Variants in CTR9 observed in about 807,000 individuals in gnomAD.
CTR9 encodes CTR9 component of Paf1/RNA polymerase II complex.
In CTR9, 41 loss-of-function variants were observed where a neutral mutation model predicts 152.1. The ratio of observed to expected loss-of-function variants is 0.27; its 90% CI spans 0.21 to 0.35. The LOEUF is 0.35. CTR9 is among the 10% of genes least tolerant of loss of function. The pLI is 1.00. For missense variants in CTR9, 917 were observed against 1,424.4 expected (o/e 0.64, Z 5.73); for synonymous variants, 476 against 496.2 (o/e 0.96, Z 0.54).
Position 10,772,593 on chromosome 11 carries a change from G to A in CTR9, c.2518G>A (p.Glu840Lys). The change falls in exon 20 of 25, where the codon GAG becomes AAG. Residue 840 changes from glutamate to lysine, a missense_variant. This residue lies in a region of CTR9 where 106 missense variants were observed against 157.8 expected (regional missense o/e 0.67). Coordinates refer to ENST00000361367, the MANE Select transcript of CTR9 (RefSeq NM_014633.5). ...RARKQDEEER[E>K]LRAKQEQEKE... is the part of the protein sequence containing the mutation. ...ACGCAAACAAGATGAAGAAGAGCGG[G>A]AGCTGCGGGCCAAGCAAGAGCAAGA... 2 of 1,612,210 alleles carry A rather than the reference G, an allele frequency of 1.2e-6. No homozygotes were observed. The highest frequency in any genetic ancestry group is 1.7e-6 in the Non-Finnish European group (2 of 1,179,060).
intron 12 of CTR9, among the ~76,000 whole-genome samples, chr11:10,765,736 A>G (rs1430097449): frequency 6.6e-6 from 1 of 152,350 alleles, no homozygotes; most frequent in African/African-American, 2.4e-5. Context: ...TGCTGGGATT[A>G]TAGGCGTGAG....
At chr11:10,761,671 G>C (rs1372240635) in intron 6 of CTR9, among the ~76,000 whole-genome samples, 1 of 151,896 alleles carries the variant, frequency 6.6e-6, no homozygotes, top group Non-Finnish European at 1.5e-5. Flanking sequence ...GGAGAAGTAG[G>C]GGCAGGGACT....
At chr11:10,757,490 A>G (rs1402529132) in intron 5 of CTR9, among the ~76,000 whole-genome samples, 1 of 151,592 alleles carries the variant, frequency 6.6e-6, no homozygotes, top group Non-Finnish European at 1.5e-5. Context: ...AGGCAGGAAG[A>G]TCACTTGAGC....
intron 4 of CTR9, among the ~76,000 whole-genome samples, chr11:10,756,369 CCT>C (rs1862884131): frequency 1.3e-5 from 2 of 152,140 alleles, no homozygotes; most frequent in African/African-American, 4.8e-5. Context: ...AAGCCTAGTA[CCT>C]ATTAGTTATT....
rs987198995 is a variant in CTR9 at position 10,751,517 on chromosome 11, C to T, written c.45+60C>T. The T allele has an allele frequency of 3.3e-6, 5 of 1,507,322 alleles. No individual in the cohort carries two copies. In the African/African-American group the frequency reaches 5.5e-5, roughly 17 times the overall value. 93.4% of individuals were successfully genotyped at this position (1,507,322 alleles called of 1,614,324 possible). On this transcript the variant is annotated intron_variant, in intron 1 of 24. Transcript: ENST00000361367. ...GAACTTGTACGATCGCCCCCACCGA[C>T]TTCGCTCGACTTCGTTTCTGAAGCG...
intron 19 of CTR9, among the ~76,000 whole-genome samples, chr11:10,771,895 T>A (rs1054075433): frequency 1.3e-5 from 2 of 152,134 alleles, no homozygotes; most frequent in African/African-American, 4.8e-5. Flanking sequence ...TGACTCTGAG[T>A]TATATGTAAA....
At position 10,751,465 on chromosome 11, in the gene CTR9, T is replaced by C. The variant is rs1862799903; in HGVS notation, c.45+8T>C. ...CTCCGGGACACTGACGAGGTAAGTG[T>C]CGTGTATGGAGGCGGGTGGGGGCCA... On this transcript the variant is annotated splice_region_variant and intron_variant, in intron 1 of 24. Coordinates refer to ENST00000361367, the MANE Select transcript of CTR9 (RefSeq NM_014633.5). The C allele has an allele frequency of 6.2e-7, 1 of 1,613,668 alleles. No homozygotes were observed. The highest frequency in any genetic ancestry group is 8.5e-7 in the Non-Finnish European group (1 of 1,179,904).
intron 20 of CTR9, among the ~76,000 whole-genome samples, chr11:10,772,917 C>G (rs1030993221): frequency 9.2e-5 from 14 of 152,018 alleles, no homozygotes; most frequent in African/African-American, 3.4e-4. Flanking sequence ...ATCCCAGCTA[C>G]TCGGGGAGCT....
intron 9 of CTR9, 34 bp from the exon 10 acceptor site, chr11:10,764,078 G>T (rs377394035): frequency 6.3e-7 from 1 of 1,596,786 alleles, no homozygotes; most frequent in Non-Finnish European, 8.6e-7. Context: ...CCTATAGATG[G>T]AATACTTCAG....
chr11:10,752,841 A>G, intron 2 of CTR9, 71 bp downstream of exon 2: 6 of 1,195,244 alleles, frequency 5.0e-6, no homozygotes, highest in Non-Finnish European at 7.4e-6. Context: ...TTTCAGATAT[A>G]GTAATAGCCA....
rs1863082127 is a variant in CTR9 at position 10,767,749 on chromosome 11, A to T, written c.1687-57A>T. ...AGTAATCAGCTATTGTGGGAAGATG[A>T]TTGATCTCTGTCAAACTAAACTGCA... On this transcript the variant is annotated intron_variant, in intron 13 of 24. Transcript: ENST00000361367. The surrounding 1 kb of genome is among the most constrained non-coding windows in gnomAD (Gnocchi z 4.0). 3 of 1,459,574 alleles carry T rather than the reference A, an allele frequency of 2.1e-6. No individual in the cohort carries two copies. The highest frequency in any genetic ancestry group is 1.4e-5 in the African/African-American group (1 of 71,512). The allele number at this position is 1,459,574 out of a possible 1,614,324, so 90.4% of individuals were successfully genotyped here.
intron 7 of CTR9, among the ~76,000 whole-genome samples, 197 bp downstream of exon 7, chr11:10,762,251 C>T (rs1429188793): frequency 6.6e-6 from 1 of 151,998 alleles, no homozygotes; most frequent in African/African-American, 2.4e-5. Flanking sequence ...TTTATTGACC[C>T]CTATATACTG....
chr11:10,760,721 C>G (rs2135363700), intron 6 of CTR9, among the ~76,000 whole-genome samples: 1 of 152,218 alleles, frequency 6.6e-6, no homozygotes, highest in Admixed American at 6.5e-5. Flanking sequence ...AAAACACATC[C>G]CAGTGCCTTA....
chr11:10,763,007 CAAA>C (rs765448315), intron 7 of CTR9, among the ~76,000 whole-genome samples: 5 of 114,192 alleles, frequency 4.4e-5, no homozygotes, highest in African/African-American at 3.2e-5. Context: ...GACCCTGTCT[CAAA>C]AAAAAAAAAA....
intron 24 of CTR9, among the ~76,000 whole-genome samples, chr11:10,776,735 G>T (rs1024800530): frequency 5.9e-5 from 9 of 152,108 alleles, no homozygotes; most frequent in African/African-American, 2.2e-4. Flanking sequence ...CACTTTGAGA[G>T]GCCAACGTGG....
At position 10,764,182 on chromosome 11, in the gene CTR9, T is replaced by C; in HGVS notation, c.1265T>C (p.Leu422Ser). The C allele has an allele frequency of 6.2e-7, 1 of 1,614,182 alleles. No individual in the cohort carries two copies. The highest frequency in any genetic ancestry group is 8.5e-7 in the Non-Finnish European group (1 of 1,179,996). The change falls in exon 10 of 25, where the codon TTA (leucine) becomes TCA (serine). Residue 422 changes from leucine (L) to serine (S), a missense_variant. Physicochemically the swap from Leu to Ser is moderately radical, Grantham distance 145. Transcript: ENST00000361367. ...GCTTGGATTGAATTGGCACAAATCT[T>C]AGAACAGACTGATATACAGGTATTT... The part of the protein sequence containing the change: ...VEAWIELAQI[L>S]EQTDIQGALS...
At chr11:10,764,770 C>A in intron 12 of CTR9, 39 bp downstream of exon 12, 1 of 1,507,242 alleles carries the variant, frequency 6.6e-7, no homozygotes, top group South Asian at 1.3e-5. Flanking sequence ...GAAATCCGTT[C>A]ATTCCCACAA....
At chr11:10,756,168 A>C (rs1862881199) in intron 4 of CTR9, among the ~76,000 whole-genome samples, 1 of 152,208 alleles carries the variant, frequency 6.6e-6, no homozygotes, top group Admixed American at 6.5e-5. Context: ...TTCAAAAAAG[A>C]GTAATTGGTT....
chr11:10,777,430 C>T (rs916845179), intron 24 of CTR9, among the ~76,000 whole-genome samples: 2 of 152,100 alleles, frequency 1.3e-5, no homozygotes, highest in Admixed American at 6.5e-5. Context: ...TTGCAGTTCC[C>T]TTTTCCTCTG....
Sources: allele counts gnomAD v4.1 joint callset (sites outside exome capture counted in the v4.1 genomes callset), GRCh38; gene constraint gnomAD v4.1.1; regional missense constraint gnomAD v4.1.1; non-coding constraint Gnocchi (gnomAD v3.1); transcripts MANE v1.5; gene names NCBI Gene and HGNC (gene_info 2026-07-23, HGNC 2026-07-21).